SNAP29: variants seen among roughly 807,000 people sequenced by gnomAD.
SNAP29 encodes synaptosome associated protein 29, also known as synaptosomal-associated protein 29.
A neutral mutation model predicts 27.9 loss-of-function variants in SNAP29; 13 were observed. That is an observed-to-expected ratio of 0.47 (90% confidence interval 0.30 to 0.74). The LOEUF (loss-of-function observed/expected upper bound fraction) is 0.74. Among genes scored for constraint, SNAP29 ranks in the 30% least tolerant of loss-of-function variants. The pLI, the probability that SNAP29 is intolerant of heterozygous loss-of-function variation, is 0.06. For synonymous variants in SNAP29, 119 were observed against 127.1 expected (o/e 0.94, Z 0.43); for missense variants, 368 against 336.5 (o/e 1.09, Z -0.73).
At chr22:20,875,691 A>G (rs1485023426) in intron 2 of SNAP29, among the ~76,000 whole-genome samples, 1 of 152,232 alleles carries the variant, frequency 6.6e-6, no homozygotes, top group African/African-American at 2.4e-5. Flanking sequence ...ACAGTGGCTC[A>G]TGCCTGTTAT....
chr22:20,881,525 G>A (rs1928891220), intron 3 of SNAP29, among the ~76,000 whole-genome samples: 1 of 152,140 alleles, frequency 6.6e-6, no homozygotes, highest in South Asian at 2.1e-4. Context: ...CTAATAACGT[G>A]GTGAAACCCT....
At chr22:20,878,182 G>A (rs2147869317) in intron 2 of SNAP29, among the ~76,000 whole-genome samples, 1 of 152,290 alleles carries the variant, frequency 6.6e-6, no homozygotes, top group East Asian at 1.9e-4. Context: ...CACCCATGGG[G>A]AGTAAGGATT....
At chr22:20,873,685 A>C (rs1928650117) in intron 2 of SNAP29, among the ~76,000 whole-genome samples, 1 of 151,580 alleles carries the variant, frequency 6.6e-6, no homozygotes, top group Non-Finnish European at 1.5e-5. Context: ...CACAAAAATG[A>C]AGTTGGGCAT....
chr22:20,873,342 G>A (rs1287849723), intron 2 of SNAP29, among the ~76,000 whole-genome samples: 1 of 151,928 alleles, frequency 6.6e-6, no homozygotes, highest in African/African-American at 2.4e-5. Context: ...CATCACTAAG[G>A]TACAGTAAAA....
At chr22:20,870,616 G>A (rs111925818) in intron 2 of SNAP29, 83 bp downstream of exon 2, 6 of 1,272,432 alleles carry the variant, frequency 4.7e-6, no homozygotes, top group Non-Finnish European at 6.7e-6. Flanking sequence ...GTCCACGTCA[G>A]TGCCATGAAG....
intron 4 of SNAP29, among the ~76,000 whole-genome samples, chr22:20,886,062 C>T (rs189040085): frequency 1.4e-4 from 21 of 151,622 alleles, no homozygotes; most frequent in African/African-American, 2.2e-4. Context: ...CCATGGAGCA[C>T]GAGGCCATGA....
At chr22:20,873,252 C>T (rs1928640795) in intron 2 of SNAP29, among the ~76,000 whole-genome samples, 1 of 151,926 alleles carries the variant, frequency 6.6e-6, no homozygotes, top group South Asian at 2.1e-4. Flanking sequence ...CTCAAGCAGT[C>T]CTCCCACCTC....
At chr22:20,875,890 G>A (rs1928729730) in intron 2 of SNAP29, among the ~76,000 whole-genome samples, 1 of 152,094 alleles carries the variant, frequency 6.6e-6, no homozygotes, top group Non-Finnish European at 1.5e-5. Context: ...GCTGGGTGCA[G>A]TGGCTCACGC....
At chr22:20,880,964 A>C in intron 2 of SNAP29, 85 bp from the exon 3 acceptor site, 1 of 868,198 alleles carries the variant, frequency 1.2e-6, no homozygotes, top group East Asian at 2.6e-5. Context: ...TTTAGCACAC[A>C]GGCATTATGT....
chr22:20,876,398 C>T (rs1267273728), intron 2 of SNAP29, among the ~76,000 whole-genome samples: 6 of 150,890 alleles, frequency 4.0e-5, no homozygotes, highest in Admixed American at 1.3e-4. Flanking sequence ...GCTGGGACTA[C>T]ATGCATGGGC....
rs187911143 is a variant in SNAP29, at chr22:20,890,627, T to C, written c.*2791T>C. ...ACAAAAAATTAGCTGGGCGTGGTGGTGGGCGCCTGTAGTCCCAGCTACTCA... is the reference window on the plus strand; with the variant it reads ...ACAAAAAATTAGCTGGGCGTGGTGGCGGGCGCCTGTAGTCCCAGCTACTCA... On this transcript the variant is annotated 3_prime_UTR_variant, in exon 5 of 5. Transcript: ENST00000215730. The C allele has an allele frequency of 0.011, 2,517 of 223,156 alleles. 24 individuals carry two copies. The highest frequency in any genetic ancestry group is 0.015 in the Non-Finnish European group (1,797 of 117,166). 13.8% of individuals were successfully genotyped at this position (223,156 alleles called of 1,614,324 possible). A position where few individuals can be genotyped will look rare whatever the true frequency, so the allele number is the denominator to read the frequency against.
chr22:20,887,607 A>G, intron 4 of SNAP29, 72 bp from the exon 5 acceptor site: 1 of 1,539,840 alleles, frequency 6.5e-7, no homozygotes, highest in Non-Finnish European at 9.0e-7. Context: ...CCACTTACCC[A>G]CACCATCAAG....
chr22:20,860,603 T>A (rs1018909465), intron 1 of SNAP29, among the ~76,000 whole-genome samples: 3 of 152,066 alleles, frequency 2.0e-5, no homozygotes, highest in African/African-American at 7.2e-5. Flanking sequence ...ACTCCTGACC[T>A]CAGGCAGTCC....
chr22:20,870,145 T>C (rs1324680657), intron 1 of SNAP29, among the ~76,000 whole-genome samples, 192 bp from the exon 2 acceptor site: 1 of 151,586 alleles, frequency 6.6e-6, no homozygotes, highest in African/African-American at 2.4e-5. Context: ...GGAAAGCAAG[T>C]AGAGGTAGGG....
At chr22:20,863,403 G>T (rs182061285) in intron 1 of SNAP29, among the ~76,000 whole-genome samples, 22 of 152,368 alleles carry the variant, frequency 1.4e-4, no homozygotes, top group African/African-American at 5.3e-4. Flanking sequence ...AGGTTGGGAA[G>T]ATTATAATTC....
intron 2 of SNAP29, among the ~76,000 whole-genome samples, chr22:20,878,081 CGGGAGTCTGGACTTGCTCTTGCAAGTT>C (rs1301421671): frequency 6.6e-6 from 1 of 152,170 alleles, no homozygotes; most frequent in Non-Finnish European, 1.5e-5. Context: ...CCTTAGCTTG[CGGGAGTCTGGACTTGCTCTTGCAAGTT>C]GGGAGTCATT....
chr22:20,873,251 T>A (rs1358186121), intron 2 of SNAP29, among the ~76,000 whole-genome samples: 1 of 152,006 alleles, frequency 6.6e-6, no homozygotes, highest in Non-Finnish European at 1.5e-5. Flanking sequence ...CCTCAAGCAG[T>A]CCTCCCACCT....
rs896532167 is a variant in SNAP29 at position 20,889,460 on chromosome 22, G to A, written c.*1624G>A. On this transcript the variant is annotated 3_prime_UTR_variant, in exon 5 of 5. Transcript: ENST00000215730. ...GTCATTAACGACCATCCCAGGGTGT[G>A]AGGGCCTGATTAAAGCTTATCGAAC... is the stretch of plus-strand genomic sequence containing the variant. The A allele has an allele frequency of 2.0e-5, 3 of 152,212 alleles. No individual in the cohort carries two copies. The highest frequency in any genetic ancestry group is 7.2e-5 in the African/African-American group (3 of 41,438). 9.4% of individuals were successfully genotyped at this position (152,212 alleles called of 1,614,324 possible). A position where few individuals can be genotyped will look rare whatever the true frequency, so the allele number is the denominator to read the frequency against.
chr22:20,867,638 A>G (rs1928492680), intron 1 of SNAP29, among the ~76,000 whole-genome samples: 1 of 152,184 alleles, frequency 6.6e-6, no homozygotes, highest in Non-Finnish European at 1.5e-5. Context: ...TCCAGAGGCC[A>G]GAGCAGCACT....
Sources: allele counts gnomAD v4.1 joint callset (sites outside exome capture counted in the v4.1 genomes callset), GRCh38; gene constraint gnomAD v4.1.1; transcripts MANE v1.5; gene names NCBI Gene and HGNC (gene_info 2026-07-23, HGNC 2026-07-21).